The following KCNIP4 variants were observed in gnomAD, a reference collection of about 807,000 sequenced individuals.
KCNIP4 encodes the protein Kv channel-interacting protein 4.
In KCNIP4, 12 loss-of-function variants were observed where a neutral mutation model predicts 34.0. The observed-to-expected ratio is 0.35, with a 90% confidence interval of 0.23 to 0.57. The LOEUF is 0.57. Ranked by LOEUF, KCNIP4 falls within the 20% of genes least tolerant of loss-of-function variation. The pLI is 0.83. For synonymous variants in KCNIP4, 124 were observed against 102.2 expected, an observed-to-expected ratio of 1.21 and a Z score of -1.29; for missense variants, 238 against 311.7, an observed-to-expected ratio of 0.76 and a Z score of 1.78.
chr4:21,118,042 GGATAGGCATGTGGAACAA>G (rs1468282293), intron 1 of KCNIP4, among the ~76,000 whole-genome samples: 1 of 152,174 alleles, frequency 6.6e-6, no homozygotes, highest in Non-Finnish European at 1.5e-5. Flanking sequence ...GGTGAGAGGA[GGATAGGCATGTGGAACAA>G]GATGAGTTGT....
intron 1 of KCNIP4, among the ~76,000 whole-genome samples, chr4:21,254,960 C>T (rs1760963998): frequency 6.6e-6 from 1 of 152,192 alleles, no homozygotes; most frequent in South Asian, 2.1e-4. Flanking sequence ...CCAGACTCAT[C>T]AACTGATGAA....
At chr4:21,630,221 C>G (rs1276352369) in intron 1 of KCNIP4, among the ~76,000 whole-genome samples, 5 of 151,696 alleles carry the variant, frequency 3.3e-5, no homozygotes, top group Admixed American at 3.3e-4. Flanking sequence ...AATCCCAGCA[C>G]TTTGGGAGGC....
intron 1 of KCNIP4, among the ~76,000 whole-genome samples, chr4:21,641,418 A>C (rs1392923930): frequency 6.6e-6 from 1 of 152,228 alleles, no homozygotes; most frequent in Non-Finnish European, 1.5e-5. Flanking sequence ...CCTCTCAGGC[A>C]GCAGAACCCC....
chr4:21,692,717 AT>A (rs1711789671), intron 1 of KCNIP4, among the ~76,000 whole-genome samples: 1 of 152,194 alleles, frequency 6.6e-6, no homozygotes, highest in South Asian at 2.1e-4. Flanking sequence ...TTGAAAAAAA[AT>A]AAATCAGCAA....
rs184392449 is a variant in KCNIP4 at position 20,943,138 on chromosome 4, C to A, written c.62-60429G>T. 4.1e-3 allele frequency among the ~76,000 whole-genome samples: 622 copies of A among 152,004 alleles called. 5 individuals carry two copies. The highest frequency in any genetic ancestry group is 0.014 in the African/African-American group (577 of 41,440). ...GCAGGCATTGCATTTTTTTATTCAACCTATAATTATTTATGTTGACATTTA... is the reference window on the plus strand; with the variant it reads ...GCAGGCATTGCATTTTTTTATTCAAACTATAATTATTTATGTTGACATTTA... On this transcript the variant is annotated intron_variant, in intron 1 of 8. Transcript: ENST00000382152.
chr4:20,749,739 T>A lies in KCNIP4; in HGVS notation c.359-7A>T. 1 of 1,593,522 alleles carries A rather than the reference T, an allele frequency of 6.3e-7. No individual in the cohort carries two copies. Among genetic ancestry groups the A allele is most frequent in the Non-Finnish European group, 8.6e-7 (1 of 1,163,810 alleles). The stretch of plus-strand genomic sequence containing the variant: ...TGTGCATATGTTGTAGAGTCTGAAA[T>A]GGTAAAAAGGGAGTATCATTAAGTC... On this transcript the variant is annotated splice_region_variant and splice_polypyrimidine_tract_variant and intron_variant, in intron 4 of 8. Coordinates refer to ENST00000382152, the MANE Select transcript of KCNIP4 (RefSeq NM_025221.6).
intron 1 of KCNIP4, among the ~76,000 whole-genome samples, chr4:21,022,381 C>G (rs1043596510): frequency 6.6e-6 from 1 of 152,156 alleles, no homozygotes. Flanking sequence ...ATTGCATAAC[C>G]TTTAAGCACA....
intron 1 of KCNIP4, among the ~76,000 whole-genome samples, chr4:20,915,215 A>G (rs773181600): frequency 5.3e-5 from 8 of 152,204 alleles, no homozygotes; most frequent in Non-Finnish European, 8.8e-5. Flanking sequence ...TTATACTCAA[A>G]TGAGTTCAGC....
intron 1 of KCNIP4, among the ~76,000 whole-genome samples, chr4:21,112,058 T>TATCTATCTATATATCC (rs1749256954): frequency 6.6e-6 from 1 of 151,962 alleles, no homozygotes; most frequent in African/African-American, 2.4e-5. Flanking sequence ...TCTATCTATC[T>TATCTATCTATATATCC]ATCTATCTAT....
intron 1 of KCNIP4, among the ~76,000 whole-genome samples, chr4:20,893,588 A>G (rs1446216193): frequency 2.2e-5 from 3 of 136,870 alleles, no homozygotes; most frequent in Non-Finnish European, 3.2e-5. Flanking sequence ...ATGCCCCAGT[A>G]TTTTTTTTTT....
At chr4:21,560,826 C>G (rs1162956738) in intron 1 of KCNIP4, among the ~76,000 whole-genome samples, 1 of 151,708 alleles carries the variant, frequency 6.6e-6, no homozygotes, top group East Asian at 1.9e-4. Context: ...TTTCTGTAAC[C>G]CTCTAGGAGG....
chr4:21,355,643 A>G (rs1718505003), intron 1 of KCNIP4, among the ~76,000 whole-genome samples: 1 of 152,210 alleles, frequency 6.6e-6, no homozygotes, highest in Non-Finnish European at 1.5e-5. Flanking sequence ...CAGGCTCTGA[A>G]ATTGAGGCAA....
At chr4:21,438,482 A>G (rs183100492) in intron 1 of KCNIP4, among the ~76,000 whole-genome samples, 241 of 152,332 alleles carry the variant, frequency 1.6e-3, no homozygotes, top group Non-Finnish European at 3.0e-3. Context: ...TGATTCAAAT[A>G]TGTCTTTTAT....
intron 3 of KCNIP4, among the ~76,000 whole-genome samples, chr4:20,801,522 G>C (rs1376935065): frequency 6.6e-6 from 1 of 152,210 alleles, no homozygotes; most frequent in African/African-American, 2.4e-5. Context: ...AATATGAAAA[G>C]ATGTGTGACA....
chr4:21,412,528 A>G (rs945165471), intron 1 of KCNIP4, among the ~76,000 whole-genome samples: 1 of 152,218 alleles, frequency 6.6e-6, no homozygotes, highest in Non-Finnish European at 1.5e-5. Context: ...AAACAGGGAG[A>G]GACCATAACT....
chr4:21,242,912 GTGTGTA>G (rs1475993063), intron 1 of KCNIP4, among the ~76,000 whole-genome samples: 6 of 121,022 alleles, frequency 5.0e-5, no homozygotes, highest in Non-Finnish European at 1.0e-4. Flanking sequence ...GTGTGTGTGT[GTGTGTA>G]TTGCTTTTTT....
chr4:20,819,229 C>T (rs182141025), intron 3 of KCNIP4, among the ~76,000 whole-genome samples: 7 of 151,472 alleles, frequency 4.6e-5, no homozygotes, highest in East Asian at 3.9e-4. Context: ...TCTCGTTTTA[C>T]GGATGAGATA....
chr4:21,771,436 T>A (rs1193693072), intron 1 of KCNIP4, among the ~76,000 whole-genome samples: 2 of 152,200 alleles, frequency 1.3e-5, no homozygotes, highest in Non-Finnish European at 2.9e-5. Context: ...TATTCTTTGA[T>A]TCCACATGAA....
rs1017184320 is a variant in KCNIP4, at chr4:20,850,458, A to G, written c.288+85T>C. The G allele has an allele frequency of 7.2e-6, 10 of 1,390,596 alleles. No individual in the cohort carries two copies. The African/African-American group carries it at 1.4e-4, about 20-fold the overall frequency. The allele number at this position is 1,390,596 out of a possible 1,614,324, so 86.1% of individuals were successfully genotyped here. ...ATACATATGATGGGGCTCTCATAGA[A>G]TGGGATATTTTCCCCCTTTTCCTCT... On this transcript the variant is annotated intron_variant, in intron 3 of 8. Coordinates refer to ENST00000382152, the MANE Select transcript of KCNIP4 (RefSeq NM_025221.6).
Sources: allele counts gnomAD v4.1 joint callset (sites outside exome capture counted in the v4.1 genomes callset), GRCh38; gene constraint gnomAD v4.1.1; transcripts MANE v1.5; gene names NCBI Gene and HGNC (gene_info 2026-07-23, HGNC 2026-07-21).